Variants in RILPL1 observed in about 807,000 individuals in gnomAD.
The protein encoded by RILPL1 is RILP-like protein 1.
Under a neutral mutation model 50.3 loss-of-function variants are expected in RILPL1, and 33 were observed. The ratio of observed to expected loss-of-function variants is 0.66; its 90% confidence interval spans 0.50 to 0.88. The LOEUF is 0.88. Ranked by LOEUF, RILPL1 falls within the 40% of genes least tolerant of loss-of-function variation. RILPL1 has a pLI of 0.00. For missense variants in RILPL1, 418 were observed against 542.5 expected, an observed-to-expected ratio of 0.77 and a Z score of 2.28; for synonymous variants, 205 against 228.6, an observed-to-expected ratio of 0.90 and a Z score of 0.93.
intron 2 of RILPL1, among the ~76,000 whole-genome samples, chr12:123,517,261 C>T (rs1884755288): frequency 6.6e-6 from 1 of 152,092 alleles, no homozygotes; most frequent in South Asian, 2.1e-4. Context: ...GGAGCATGGC[C>T]TTGCTGATGC....
intron 1 of RILPL1, among the ~76,000 whole-genome samples, chr12:123,526,562 C>T (rs762122925): frequency 2.0e-5 from 3 of 152,224 alleles, no homozygotes; most frequent in Admixed American, 6.5e-5. Context: ...AAAGCACTAA[C>T]AATGTGTGTG....
At chr12:123,480,241 A>C (rs1302409093) in intron 6 of RILPL1, among the ~76,000 whole-genome samples, 3 of 145,118 alleles carry the variant, frequency 2.1e-5, no homozygotes, top group Non-Finnish European at 4.6e-5. Flanking sequence ...GCTCACTGCA[A>C]CCTCCGCCTC....
chr12:123,491,758 C>T lies in RILPL1; in HGVS notation c.802-5953G>A, dbSNP rs1284687053. Among the ~76,000 whole-genome samples the T allele has an allele frequency of 6.6e-6, 1 of 152,130 alleles. No individual in the cohort carries two copies. The highest frequency in any genetic ancestry group is 1.5e-5 in the Non-Finnish European group (1 of 68,024). Reference sequence around the variant, plus strand: ...GGCGCGGTGGCTCACACCTGTAATCCCAGCAGGAGGCCGAAGCAGGCGGAT... The same window carrying T: ...GGCGCGGTGGCTCACACCTGTAATCTCAGCAGGAGGCCGAAGCAGGCGGAT... On this transcript the variant is annotated intron_variant, in intron 4 of 6. Coordinates refer to ENST00000376874, the MANE Select transcript of RILPL1 (RefSeq NM_178314.5). This position sits in a 1 kb window ranked among gnomAD's most constrained non-coding sequence, Gnocchi z 4.0.
chr12:123,523,997 C>T (rs1195412189), intron 1 of RILPL1, among the ~76,000 whole-genome samples: 1 of 152,226 alleles, frequency 6.6e-6, no homozygotes, highest in East Asian at 1.9e-4. Flanking sequence ...GGGCACACCC[C>T]CTGATCTCTG....
chr12:123,477,337 CTTTTTTTTTT>C (rs371346379), intron 6 of RILPL1, among the ~76,000 whole-genome samples: 17 of 105,380 alleles, frequency 1.6e-4, no homozygotes, highest in Non-Finnish European at 1.6e-4. Flanking sequence ...TTCTTTCTTT[CTTTTTTTTTT>C]TTTTTTTTTT....
chr12:123,496,906 C>T (rs529069096), intron 4 of RILPL1, among the ~76,000 whole-genome samples: 9 of 152,368 alleles, frequency 5.9e-5, no homozygotes, highest in South Asian at 2.1e-4. Flanking sequence ...TCATTTCCAT[C>T]GTCCCCAAAG....
At position 123,533,030 on chromosome 12, in the gene RILPL1, GCCTC is replaced by G; in HGVS notation, c.309+140_309+143del. The G allele has an allele frequency of 3.4e-6, 3 of 876,054 alleles. No individual in the cohort carries two copies. The highest frequency in any genetic ancestry group is 2.9e-5 in the Admixed American group (1 of 34,020). The allele number at this position is 876,054 out of a possible 1,614,324, so 54.3% of individuals were successfully genotyped here. ...CCTGGTCGGGCAAAAGAAGGCCAGG[GCCTC>G]CCTCCCTCCCCACGTCGGGTCTCCT... On this transcript the variant is annotated intron_variant, in intron 1 of 6. Coordinates refer to ENST00000376874, the MANE Select transcript of RILPL1 (RefSeq NM_178314.5). The surrounding 1 kb of genome is among the most constrained non-coding windows in gnomAD (Gnocchi z 6.2).
chr12:123,520,634 G>A (rs576862125), intron 2 of RILPL1, among the ~76,000 whole-genome samples: 17 of 152,234 alleles, frequency 1.1e-4, no homozygotes, highest in Non-Finnish European at 2.1e-4. Flanking sequence ...ATAGGGTTCC[G>A]GGGTCCTCCA....
chr12:123,516,183 A>G (rs907602114), intron 2 of RILPL1, among the ~76,000 whole-genome samples: 16 of 152,226 alleles, frequency 1.1e-4, no homozygotes, highest in Non-Finnish European at 7.4e-5. Flanking sequence ...GAGGTAGCAA[A>G]GCACCTTCAA....
intron 6 of RILPL1, chr12:123,476,024 C>T (rs1428379068): frequency 2.8e-6 from 1 of 362,124 alleles, no homozygotes; most frequent in Middle Eastern, 9.2e-4. Context: ...CTGCCTTAGC[C>T]TCCTGAGTGG....
At chr12:123,511,477 GGT>G (rs1391494742) in intron 2 of RILPL1, among the ~76,000 whole-genome samples, 4 of 130,226 alleles carry the variant, frequency 3.1e-5, no homozygotes, top group Non-Finnish European at 6.3e-5. Flanking sequence ...CTGTGTGTGT[GGT>G]GTGTGAGGTC....
intron 2 of RILPL1, chr12:123,514,240 A>G (rs1159940728): frequency 1.3e-5 from 2 of 152,158 alleles, no homozygotes; most frequent in African/African-American, 4.8e-5. Flanking sequence ...CATCGATAGG[A>G]AATATCCAGA....
chr12:123,495,923 G>A (rs940996530), intron 4 of RILPL1, among the ~76,000 whole-genome samples: 3 of 147,036 alleles, frequency 2.0e-5, no homozygotes, highest in African/African-American at 7.5e-5. Context: ...TCAGGAAATC[G>A]GCCTGCCTTG....
chr12:123,511,822 T>TG (rs1884274593), intron 2 of RILPL1, among the ~76,000 whole-genome samples: 1 of 130,734 alleles, frequency 7.6e-6, no homozygotes, highest in African/African-American at 3.0e-5. Context: ...GGTCTGTGTG[T>TG]GTGTGTGAGA....
intron 2 of RILPL1, among the ~76,000 whole-genome samples, chr12:123,510,656 CTGTGTATGG>C (rs1194493506): frequency 4.4e-5 from 3 of 68,608 alleles, no homozygotes; most frequent in African/African-American, 1.6e-4. Flanking sequence ...TGTGTGAGGT[CTGTGTATGG>C]TGTGTGTGAG....
rs1333662992 is a variant in RILPL1 at position 123,533,588 on chromosome 12, G to A, written c.-106C>T. On this transcript the variant is annotated 5_prime_UTR_variant, in exon 1 of 7. Coordinates refer to ENST00000376874, the MANE Select transcript of RILPL1 (RefSeq NM_178314.5). The surrounding 1 kb of genome is among the most constrained non-coding windows in gnomAD (Gnocchi z 6.2). Reference sequence around the variant, plus strand: ...GGCCCAGCCTGGGCCGCGGGCGGGCGCGCTCAGCGGGCGCTGGGGCGAGGG... The same window carrying A: ...GGCCCAGCCTGGGCCGCGGGCGGGCACGCTCAGCGGGCGCTGGGGCGAGGG... The A allele has an allele frequency of 1.0e-4, 98 of 975,450 alleles. 2 individuals are homozygous for A. The South Asian group carries it at 4.3e-3, about 43-fold the overall frequency. The allele number at this position is 975,450 out of a possible 1,614,324, so 60.4% of individuals were successfully genotyped here. A position where few individuals can be genotyped will look rare whatever the true frequency, so the allele number is the denominator to read the frequency against.
At chr12:123,531,340 T>C (rs1885438809) in intron 1 of RILPL1, among the ~76,000 whole-genome samples, 1 of 152,168 alleles carries the variant, frequency 6.6e-6, no homozygotes, top group Non-Finnish European at 1.5e-5. Context: ...TCAGACCTGG[T>C]GGCCTCCGAT....
chr12:123,490,313 CT>C (rs1882610707), intron 4 of RILPL1, among the ~76,000 whole-genome samples: 1 of 152,202 alleles, frequency 6.6e-6, no homozygotes, highest in Non-Finnish European at 1.5e-5. Context: ...TATGTCTGGG[CT>C]TTCATCTCCC....
chr12:123,483,130 G>T (rs1310730375), intron 6 of RILPL1, among the ~76,000 whole-genome samples: 1 of 152,222 alleles, frequency 6.6e-6, no homozygotes, highest in Non-Finnish European at 1.5e-5. Flanking sequence ...TTGGAGGAAA[G>T]AACTGAAACC....
Sources: gnomAD v4.1 joint callset for allele counts (sites outside exome capture counted in the v4.1 genomes callset) on GRCh38, gnomAD v4.1.1 for gene constraint, Gnocchi (gnomAD v3.1) non-coding constraint, MANE v1.5 for transcripts, NCBI Gene and HGNC (gene_info 2026-07-23, HGNC 2026-07-21) for gene names.